Variants in FUT8 observed in about 807,000 individuals in gnomAD.
FUT8 encodes alpha-(1,6)-fucosyltransferase.
A neutral mutation model predicts 71.3 loss-of-function variants in FUT8; 29 were observed. The observed-to-expected ratio is 0.41, with a 90% CI of 0.30 to 0.55. FUT8 has a LOEUF of 0.55. FUT8 is among the 20% of genes least tolerant of loss of function. The probability of loss-of-function intolerance (pLI) is 0.34; values close to 1 mark genes in which losing one functional copy is unlikely to be tolerated. For synonymous variants in FUT8, 254 were observed against 239.3 expected (o/e 1.06, Z -0.57); for missense variants, 544 against 702.1 (o/e 0.77, Z 2.55).
chr14:65,650,298 C>CAAAAAAAAAAAAA (rs869168766), intron 6 of FUT8, among the ~76,000 whole-genome samples: 2 of 39,696 alleles, frequency 5.0e-5, no homozygotes, highest in African/African-American at 2.6e-4. Context: ...GACTCTGTCT[C>CAAAAAAAAAAAAA]AAAAAAAAAA....
At chr14:65,605,118 A>G (rs1180883363) in intron 3 of FUT8, among the ~76,000 whole-genome samples, 1 of 151,960 alleles carries the variant, frequency 6.6e-6, no homozygotes, top group Admixed American at 6.6e-5. Flanking sequence ...ACAATTTACT[A>G]TTTATTCTCT....
intron 3 of FUT8, among the ~76,000 whole-genome samples, chr14:65,609,573 A>G (rs1888769731): frequency 6.6e-6 from 1 of 151,920 alleles, no homozygotes; most frequent in African/African-American, 2.4e-5. Context: ...GTGTGGGCCT[A>G]TTCCCGGACT....
chr14:65,695,833 T>C (rs1282245857), intron 7 of FUT8, among the ~76,000 whole-genome samples: 4 of 152,168 alleles, frequency 2.6e-5, no homozygotes, highest in Non-Finnish European at 4.4e-5. Context: ...CCTCTAGTTT[T>C]CTGCCTTCTC....
intron 2 of FUT8, among the ~76,000 whole-genome samples, chr14:65,549,338 A>C (rs1012784130): frequency 1.3e-5 from 2 of 152,030 alleles, no homozygotes; most frequent in Non-Finnish European, 2.9e-5. Flanking sequence ...CATTTTAAAA[A>C]GATGTTGTCC....
intron 2 of FUT8, among the ~76,000 whole-genome samples, chr14:65,493,095 A>C (rs1475991778): frequency 1.3e-5 from 2 of 152,132 alleles, no homozygotes; most frequent in Non-Finnish European, 2.9e-5. Context: ...GCCATAAGGA[A>C]TGTACAATTT....
In FUT8 at chr14:65,742,913, T is replaced by TTTTTTG. The variant is rs372178449; in HGVS notation, c.*521_*526dup. On this transcript the variant is annotated 3_prime_UTR_variant, in exon 11 of 11. Transcript: ENST00000673929. ...CAGAATGAGAATGGACGTTTGGTTT[T>TTTTTTG]TTTTTGTTTTTGTTTTTGTTTTTTC... is the stretch of plus-strand genomic sequence containing the variant. The TTTTTTG allele has an allele frequency of 1.3e-5, 2 of 152,646 alleles. No homozygotes were observed. Among genetic ancestry groups the TTTTTTG allele is most frequent in the Non-Finnish European group, 2.9e-5 (2 of 68,178 alleles). The allele number at this position is 152,646 out of a possible 1,614,324, so 9.5% of individuals were successfully genotyped here.
intron 3 of FUT8, among the ~76,000 whole-genome samples, chr14:65,615,697 G>A (rs1224013246): frequency 1.3e-5 from 2 of 152,150 alleles, no homozygotes; most frequent in Non-Finnish European, 2.9e-5. Flanking sequence ...CTCTGGGGAT[G>A]AAAGATTTTT....
At chr14:65,676,756 G>T (rs1377668214) in intron 7 of FUT8, among the ~76,000 whole-genome samples, 6 of 152,224 alleles carry the variant, frequency 3.9e-5, no homozygotes, top group African/African-American at 1.2e-4. Context: ...AAAGAAGATT[G>T]CAATCTTTCA....
At chr14:65,502,316 C>G (rs1042122031) in intron 2 of FUT8, among the ~76,000 whole-genome samples, 30 of 152,112 alleles carry the variant, frequency 2.0e-4, no homozygotes, top group Middle Eastern at 3.4e-3. Context: ...TCTCCACCCC[C>G]CAGGTTCAAG....
chr14:65,642,598 G>A (rs1295867846), intron 6 of FUT8, among the ~76,000 whole-genome samples: 2 of 82,744 alleles, frequency 2.4e-5, no homozygotes, highest in Middle Eastern at 7.7e-3. Context: ...GTGAGACTCC[G>A]TCTCAAAAAA....
chr14:65,549,813 C>G (rs990167312), intron 2 of FUT8, among the ~76,000 whole-genome samples: 5 of 152,148 alleles, frequency 3.3e-5, no homozygotes, highest in African/African-American at 1.2e-4. Context: ...CTGTATTAGT[C>G]TGTTTTTCAT....
intron 3 of FUT8, among the ~76,000 whole-genome samples, chr14:65,587,712 T>C (rs1001498044): frequency 6.6e-6 from 1 of 152,346 alleles, no homozygotes; most frequent in South Asian, 2.1e-4. Context: ...TATGAATATT[T>C]CTGGGGCTTA....
chr14:65,358,851 A>G, the FUT8 span, among the ~76,000 whole-genome samples: 1 of 152,206 alleles, frequency 6.6e-6, no homozygotes, highest in Non-Finnish European at 1.5e-5. Context: ...TGGTGAGTAC[A>G]TATATTTTCC....
rs577438494 is a variant in FUT8, at chr14:65,508,876, GTTGT to G, written c.-227-52451_-227-52448del. 1.5e-3 allele frequency among the ~76,000 whole-genome samples: 221 copies of G among 152,168 alleles called. 1 individual carries two copies. Among genetic ancestry groups the G allele is most frequent in the East Asian group, 6.2e-3 (32 of 5,184 alleles). On this transcript the variant is annotated intron_variant, in intron 2 of 10. Transcript: ENST00000673929. ...GCAAATATTTTCTTCCATTCTGTGG[GTTGT>G]TTGTTTGTTGCTTGTTTACTTTGCT... is the stretch of plus-strand genomic sequence containing the variant.
intron 1 of FUT8, among the ~76,000 whole-genome samples, chr14:65,417,240 T>G (rs2065232083): frequency 1.3e-5 from 2 of 152,188 alleles, no homozygotes; most frequent in African/African-American, 4.8e-5. Context: ...CATGCTTGGT[T>G]GTAAGATTTT....
chr14:65,649,378 G>T (rs919274730), intron 6 of FUT8, among the ~76,000 whole-genome samples: 1 of 152,058 alleles, frequency 6.6e-6, no homozygotes. Flanking sequence ...AGTGATAGCC[G>T]AACTTGCTGA....
chr14:65,697,191 G>A (rs2140465114), intron 7 of FUT8, among the ~76,000 whole-genome samples: 1 of 152,294 alleles, frequency 6.6e-6, no homozygotes, highest in East Asian at 1.9e-4. Context: ...GTGTTTATCT[G>A]GCTAGGAGTT....
rs143042423 is a variant in FUT8, at chr14:65,427,097, C to T, written c.-326+13883C>T. Among the ~76,000 whole-genome samples, 1,508 of 152,170 alleles carry T rather than the reference C, an allele frequency of 9.9e-3. 22 individuals carry two copies. Among genetic ancestry groups the T allele is most frequent in the East Asian group, 0.035 (181 of 5,170 alleles). On this transcript the variant is annotated intron_variant, in intron 1 of 10. Coordinates refer to ENST00000673929, the MANE Select transcript of FUT8 (RefSeq NM_001371533.1). Reference sequence around the variant, plus strand: ...CAGGATGATCTCAATCTCCTGACCTCGTGATCCGCCCGCCTTGGCCTCCTG... The same window carrying T: ...CAGGATGATCTCAATCTCCTGACCTTGTGATCCGCCCGCCTTGGCCTCCTG...
chr14:65,471,812 A>C (rs1273198325), intron 2 of FUT8, among the ~76,000 whole-genome samples: 1 of 151,720 alleles, frequency 6.6e-6, no homozygotes, highest in Non-Finnish European at 1.5e-5. Flanking sequence ...GCTCTTTACA[A>C]CTGTACTTAA....
Sources: allele counts gnomAD v4.1 joint callset (sites outside exome capture counted in the v4.1 genomes callset), GRCh38; gene constraint gnomAD v4.1.1; transcripts MANE v1.5; gene names NCBI Gene and HGNC (gene_info 2026-07-23, HGNC 2026-07-21).